The following NCKAP5 variants were observed in gnomAD, a reference collection of about 807,000 sequenced individuals.
NCKAP5 encodes the protein nck-associated protein 5.
In NCKAP5, 92 loss-of-function variants were observed where a neutral mutation model predicts 167.0. The ratio of observed to expected loss-of-function variants is 0.55; its 90% CI spans 0.47 to 0.66. The LOEUF (loss-of-function observed/expected upper bound fraction) is 0.66, where lower values mean the gene tolerates loss of function less well. NCKAP5 is among the 30% of genes least tolerant of loss of function. The probability of loss-of-function intolerance (pLI) is 0.00; values close to 1 mark genes in which losing one functional copy is unlikely to be tolerated. For synonymous variants in NCKAP5, 891 were observed against 877.4 expected, an observed-to-expected ratio of 1.02 and a Z score of -0.27; for missense variants, 2,378 against 2,315.0, an observed-to-expected ratio of 1.03 and a Z score of -0.56.
At chr2:133,312,831 C>T (rs1317189237) in intron 3 of NCKAP5, among the ~76,000 whole-genome samples, 1 of 152,160 alleles carries the variant, frequency 6.6e-6, no homozygotes, top group Non-Finnish European at 1.5e-5. Flanking sequence ...GTTAACATGG[C>T]AAACTGTGAA....
intron 5 of NCKAP5, among the ~76,000 whole-genome samples, chr2:133,154,524 G>C (rs2149903036): frequency 6.6e-6 from 1 of 152,324 alleles, no homozygotes; most frequent in Admixed American, 6.5e-5. Context: ...CTTCTGCAAG[G>C]GGCTGAGATA....
chr2:133,149,999 G>A (rs1219206529), intron 5 of NCKAP5, among the ~76,000 whole-genome samples: 3 of 152,060 alleles, frequency 2.0e-5, no homozygotes, highest in Admixed American at 2.0e-4. Context: ...TTTATTCACT[G>A]ATAGCCTTGA....
intron 11 of NCKAP5, among the ~76,000 whole-genome samples, chr2:132,826,313 C>A (rs911277852): frequency 2.0e-5 from 3 of 152,134 alleles, no homozygotes; most frequent in Admixed American, 6.5e-5. Flanking sequence ...ATCTTTGAAT[C>A]ATTTAATTTT....
intron 6 of NCKAP5, chr2:133,123,805 A>G (rs767441010): frequency 2.1e-6 from 1 of 471,034 alleles, no homozygotes. Context: ...CCTTCTAAAG[A>G]TGCAGAGAAA....
intron 11 of NCKAP5, among the ~76,000 whole-genome samples, chr2:132,811,879 C>T (rs1217481930): frequency 7.9e-5 from 12 of 152,154 alleles, no homozygotes. Flanking sequence ...GGCCACCTTC[C>T]TGATGGATCC....
chr2:133,548,636 T>C (rs1558774996), intron 2 of NCKAP5, among the ~76,000 whole-genome samples: 2 of 151,970 alleles, frequency 1.3e-5, no homozygotes, highest in African/African-American at 4.8e-5. Context: ...CTAAGCTTCA[T>C]AAGTGAAGGA....
intron 6 of NCKAP5, among the ~76,000 whole-genome samples, chr2:133,018,516 T>C (rs1340658042): frequency 6.6e-6 from 1 of 152,242 alleles, no homozygotes; most frequent in Non-Finnish European, 1.5e-5. Flanking sequence ...TTAGATTTCA[T>C]AGCCCTGTGC....
intron 8 of NCKAP5, among the ~76,000 whole-genome samples, chr2:132,883,607 C>A (rs1033593177): frequency 7.2e-5 from 11 of 152,214 alleles, no homozygotes; most frequent in African/African-American, 2.4e-4. Context: ...TCCAGCCTTG[C>A]CCAACAGCCC....
At chr2:133,268,830 T>C (rs1364212586) in intron 4 of NCKAP5, 1 of 152,232 alleles carries the variant, frequency 6.6e-6, no homozygotes, top group African/African-American at 2.4e-5. Context: ...ATTTGTTTAA[T>C]GTGTTTATTA....
At chr2:133,133,409 T>G (rs964846378) in intron 5 of NCKAP5, among the ~76,000 whole-genome samples, 1 of 152,232 alleles carries the variant, frequency 6.6e-6, no homozygotes, top group Admixed American at 6.5e-5. Context: ...AGATGCTCCA[T>G]GTTCGTCACC....
At chr2:132,781,841 A>G (rs575614042) in intron 14 of NCKAP5, 99 bp downstream of exon 14, 2 of 1,146,236 alleles carry the variant, frequency 1.7e-6, no homozygotes, top group Non-Finnish European at 2.5e-6. Flanking sequence ...GTATGAAAAA[A>G]CATGCTTGAC....
chr2:133,476,641 T>C (rs1463577782), intron 3 of NCKAP5, among the ~76,000 whole-genome samples: 1 of 152,226 alleles, frequency 6.6e-6, no homozygotes, highest in African/African-American at 2.4e-5. Flanking sequence ...GAGCCAATGA[T>C]ATTAATCAGT....
chr2:133,470,052 G>A (rs1457176300), intron 3 of NCKAP5, among the ~76,000 whole-genome samples: 1 of 152,118 alleles, frequency 6.6e-6, no homozygotes, highest in Non-Finnish European at 1.5e-5. Flanking sequence ...CATTGCTGGT[G>A]AGGAACTGCG....
intron 19 of NCKAP5, among the ~76,000 whole-genome samples, chr2:132,723,135 G>A (rs1690097924): frequency 6.8e-6 from 1 of 147,468 alleles, no homozygotes; most frequent in African/African-American, 2.6e-5. Context: ...CCTGAGCCAG[G>A]TGGTATTTTT....
At chr2:133,020,290 A>G (rs1333172624) in intron 6 of NCKAP5, among the ~76,000 whole-genome samples, 1 of 152,212 alleles carries the variant, frequency 6.6e-6, no homozygotes, top group Non-Finnish European at 1.5e-5. Context: ...TAGATGAGAA[A>G]CAATGAGGGT....
chr2:133,381,333 A>T (rs1052465034), intron 3 of NCKAP5, among the ~76,000 whole-genome samples: 10 of 152,248 alleles, frequency 6.6e-5, no homozygotes, highest in African/African-American at 2.4e-4. Flanking sequence ...GTTAGCACTT[A>T]AGAAGAAACA....
At chr2:133,483,005 C>T (rs1680588364) in intron 3 of NCKAP5, among the ~76,000 whole-genome samples, 1 of 152,144 alleles carries the variant, frequency 6.6e-6, no homozygotes, top group Non-Finnish European at 1.5e-5. Context: ...CTAAATCATA[C>T]AGCTTTCCAT....
chr2:133,584,015 A>G, the NCKAP5 span, among the ~76,000 whole-genome samples: 1 of 152,184 alleles, frequency 6.6e-6, no homozygotes, highest in Non-Finnish European at 1.5e-5. Context: ...CAGCCTCCCA[A>G]AGTGCTGGGA....
At chr2:133,530,587 C>T (rs948258612) in intron 2 of NCKAP5, among the ~76,000 whole-genome samples, 3 of 152,178 alleles carry the variant, frequency 2.0e-5, no homozygotes, top group African/African-American at 7.2e-5. Context: ...TTAATGGCAA[C>T]AAATTCCTCC....
Sources: gnomAD v4.1 joint callset for allele counts (sites outside exome capture counted in the v4.1 genomes callset) on GRCh38, gnomAD v4.1.1 for gene constraint, MANE v1.5 for transcripts, NCBI Gene and HGNC (gene_info 2026-07-23, HGNC 2026-07-21) for gene names.